DCUN1D4: variants seen among roughly 807,000 people sequenced by gnomAD.
The protein encoded by DCUN1D4 is defective in cullin neddylation 1 domain containing 4.
In DCUN1D4, 22 loss-of-function variants were observed where a neutral mutation model predicts 47.9. The ratio of observed to expected loss-of-function variants is 0.46; its 90% CI spans 0.33 to 0.66. The LOEUF (loss-of-function observed/expected upper bound fraction) is 0.66, where lower values mean the gene tolerates loss of function less well. Ranked by LOEUF, DCUN1D4 falls within the 30% of genes least tolerant of loss-of-function variation. DCUN1D4 has a pLI of 0.02. For synonymous variants in DCUN1D4, 121 were observed against 112.2 expected (o/e 1.08, Z -0.50); for missense variants, 301 against 340.8 (o/e 0.88, Z 0.92).
the DCUN1D4 span, among the ~76,000 whole-genome samples, chr4:51,836,783 G>T: frequency 6.6e-6 from 1 of 152,068 alleles, no homozygotes; most frequent in Non-Finnish European, 1.5e-5. Flanking sequence ...ATTGCTGTCT[G>T]CCTTCCCCAT....
chr4:51,863,315 T>C (rs1297902717), intron 1 of DCUN1D4, 122 bp from the exon 2 acceptor site: 4 of 793,124 alleles, frequency 5.0e-6, no homozygotes, highest in East Asian at 5.4e-5. Flanking sequence ...TTTAAAAAAC[T>C]TTAGTGTCAA....
upstream of DCUN1D4, among the ~76,000 whole-genome samples, chr4:51,842,336 TACAGA>T (rs1334408376): frequency 6.6e-6 from 1 of 152,180 alleles, no homozygotes; most frequent in Non-Finnish European, 1.5e-5. Context: ...GTCTGGGGCA[TACAGA>T]TGTGTGTGAC....
intron 8 of DCUN1D4, among the ~76,000 whole-genome samples, chr4:51,907,401 C>T (rs1733055491): frequency 6.6e-6 from 1 of 152,140 alleles, no homozygotes; most frequent in South Asian, 2.1e-4. Context: ...CTTTTTACAG[C>T]CCTCTATTTT....
chr4:51,855,811 C>T (rs576083005), intron 1 of DCUN1D4, among the ~76,000 whole-genome samples: 11 of 152,314 alleles, frequency 7.2e-5, no homozygotes, highest in Admixed American at 1.3e-4. Context: ...TGCTCCACAT[C>T]GTTGACATTC....
At chr4:51,886,798 G>C (rs1246633054) in intron 6 of DCUN1D4, 160 bp downstream of exon 6, 3 of 615,226 alleles carry the variant, frequency 4.9e-6, no homozygotes, top group African/African-American at 1.9e-5. Flanking sequence ...CTTATAAGCA[G>C]ATTCTCCATT....
intron 4 of DCUN1D4, 176 bp from the exon 5 acceptor site, chr4:51,877,587 G>C: frequency 2.0e-6 from 1 of 501,106 alleles, no homozygotes; most frequent in Non-Finnish European, 3.6e-6. Context: ...GAGTGACTGT[G>C]TTTAAACACT....
chr4:51,834,067 TC>T, the DCUN1D4 span, among the ~76,000 whole-genome samples: 7 of 141,836 alleles, frequency 4.9e-5, no homozygotes, highest in African/African-American at 1.7e-4. Flanking sequence ...TCTCTCTCTC[TC>T]TCTCTCTCTC....
chr4:51,911,486 A>G (rs192615621), intron 9 of DCUN1D4, among the ~76,000 whole-genome samples: 225 of 152,318 alleles, frequency 1.5e-3, no homozygotes, highest in African/African-American at 5.3e-3. Flanking sequence ...TTGTAACAAT[A>G]GAAAAAGAAG....
At chr4:51,888,435 T>C (rs1729871730) in intron 6 of DCUN1D4, among the ~76,000 whole-genome samples, 1 of 152,214 alleles carries the variant, frequency 6.6e-6, no homozygotes, top group African/African-American at 2.4e-5. Context: ...TTGGCAGTTA[T>C]GAGTCCTTTA....
chr4:51,908,028 A>G (rs1352174679), intron 8 of DCUN1D4, among the ~76,000 whole-genome samples: 1 of 152,224 alleles, frequency 6.6e-6, no homozygotes, highest in Non-Finnish European at 1.5e-5. Flanking sequence ...TGTTCTCTAC[A>G]CTAGCTCTTA....
intron 3 of DCUN1D4, among the ~76,000 whole-genome samples, chr4:51,869,907 T>C (rs534599583): frequency 1.3e-5 from 2 of 152,314 alleles, no homozygotes; most frequent in South Asian, 2.1e-4. Context: ...CTTGAAACAC[T>C]GAACCCAAAA....
chr4:51,894,911 G>C (rs778577130), intron 7 of DCUN1D4, among the ~76,000 whole-genome samples: 1 of 152,064 alleles, frequency 6.6e-6, no homozygotes, highest in African/African-American at 2.4e-5. Context: ...TTTCTCTGGA[G>C]GCCCAGAAGT....
intron 5 of DCUN1D4, among the ~76,000 whole-genome samples, chr4:51,885,490 G>A (rs1729331132): frequency 6.6e-6 from 1 of 152,192 alleles, no homozygotes; most frequent in Admixed American, 6.5e-5. Context: ...CTCCGTTTTA[G>A]TGAGGCAGTG....
At chr4:51,843,599 CAGCGTT>C in intron 1 of DCUN1D4, 1 of 1,215,430 alleles carries the variant, frequency 8.2e-7, no homozygotes, top group Non-Finnish European at 1.0e-6. Flanking sequence ...GAGGTGGAGG[CAGCGTT>C]GGGCTGTAGC....
At chr4:51,865,981 G>A (rs1411276917) in intron 3 of DCUN1D4, among the ~76,000 whole-genome samples, 1 of 152,100 alleles carries the variant, frequency 6.6e-6, no homozygotes, top group Non-Finnish European at 1.5e-5. Flanking sequence ...GATCTGAAAG[G>A]GAGTTCAGAG....
intron 3 of DCUN1D4, among the ~76,000 whole-genome samples, chr4:51,868,169 G>A (rs1726271213): frequency 6.6e-6 from 1 of 152,230 alleles, no homozygotes; most frequent in South Asian, 2.1e-4. Flanking sequence ...GGCTGTGGGG[G>A]CAGGGGGCCT....
intron 5 of DCUN1D4, among the ~76,000 whole-genome samples, 199 bp from the exon 6 acceptor site, chr4:51,886,369 T>C (rs894822676): frequency 6.6e-6 from 1 of 152,232 alleles, no homozygotes; most frequent in African/African-American, 2.4e-5. Context: ...TGGTGATAAG[T>C]TGATTTAAAT....
intron 8 of DCUN1D4, among the ~76,000 whole-genome samples, chr4:51,908,219 G>A (rs757366437): frequency 5.3e-5 from 8 of 152,280 alleles, no homozygotes; most frequent in East Asian, 3.9e-4. Flanking sequence ...TATATCTTTC[G>A]TGTATAGAGC....
upstream of DCUN1D4, among the ~76,000 whole-genome samples, chr4:51,842,363 G>A (rs534695517): frequency 6.6e-6 from 1 of 152,286 alleles, no homozygotes; most frequent in African/African-American, 2.4e-5. Flanking sequence ...GACAATGCTC[G>A]TGGCATTCGA....
Sources: allele counts gnomAD v4.1 joint callset (sites outside exome capture counted in the v4.1 genomes callset), GRCh38; gene constraint gnomAD v4.1.1; transcripts MANE v1.5; gene names NCBI Gene and HGNC (gene_info 2026-07-23, HGNC 2026-07-21).